The following ACSBG1 variants were observed in gnomAD, a reference collection of about 807,000 sequenced individuals.
ACSBG1 encodes acyl-CoA synthetase bubblegum family member 1.
ACSBG1 carries 39 observed loss-of-function variants against 80.2 expected under a neutral mutation model. The observed-to-expected ratio is 0.49, with a 90% CI of 0.38 to 0.64. The LOEUF is 0.64. Among genes scored for constraint, ACSBG1 ranks in the 30% least tolerant of loss-of-function variants. The probability of loss-of-function intolerance (pLI) is 0.00; values close to 1 mark genes in which losing one functional copy is unlikely to be tolerated. For missense variants in ACSBG1, 828 were observed against 966.4 expected, an observed-to-expected ratio of 0.86 and a Z score of 1.90; for synonymous variants, 392 against 379.5, an observed-to-expected ratio of 1.03 and a Z score of -0.38.
At chr15:78,218,540 T>C (rs937177766) in intron 1 of ACSBG1, among the ~76,000 whole-genome samples, 1 of 152,196 alleles carries the variant, frequency 6.6e-6, no homozygotes, top group African/African-American at 2.4e-5. Context: ...ATTTCACTTT[T>C]TAAAAAGTGA....
intron 5 of ACSBG1, among the ~76,000 whole-genome samples, chr15:78,190,169 G>T (rs1273202311): frequency 1.3e-5 from 2 of 152,054 alleles, no homozygotes; most frequent in Non-Finnish European, 2.9e-5. Flanking sequence ...AGTACTTTGG[G>T]AAGCCGAGGT....
intron 9 of ACSBG1, among the ~76,000 whole-genome samples, chr15:78,180,071 T>G (rs544365803): frequency 1.3e-5 from 2 of 152,254 alleles, no homozygotes; most frequent in Non-Finnish European, 2.9e-5. Context: ...CACATGCCAT[T>G]TTGCACACAC....
chr15:78,199,921 T>C (rs1266887455), intron 2 of ACSBG1, among the ~76,000 whole-genome samples: 1 of 152,164 alleles, frequency 6.6e-6, no homozygotes, highest in Non-Finnish European at 1.5e-5. Flanking sequence ...TGCGTTGTAC[T>C]CCACGGTTGG....
intron 11 of ACSBG1, among the ~76,000 whole-genome samples, chr15:78,175,394 A>G (rs1274640672): frequency 6.6e-6 from 1 of 152,256 alleles, no homozygotes; most frequent in African/African-American, 2.4e-5. Context: ...GGCACAGAAT[A>G]GAACAAGGCT....
At chr15:78,225,323 C>G (rs973334197) in intron 1 of ACSBG1, among the ~76,000 whole-genome samples, 1 of 151,626 alleles carries the variant, frequency 6.6e-6, no homozygotes, top group African/African-American at 2.4e-5. Flanking sequence ...ATTGCTTGAA[C>G]CTGGGAGGCA....
Position 78,194,536 on chromosome 15 carries a change from G to C in ACSBG1, c.423C>G (p.Leu141=), listed in dbSNP as rs374000947. The change falls in exon 3 of 14, where the codon CTC becomes CTG. Residue 141 remains leucine (L), a synonymous_variant. Transcript: ENST00000258873. ...EHISYSQYYL[L]ARRAAKGFLK... ...GGAAGCCCTTGGCGGCTCTGCGGGCGAGCAGGTAGTATTGGGAGTAGGAGA... is the reference window on the plus strand; with the variant it reads ...GGAAGCCCTTGGCGGCTCTGCGGGCCAGCAGGTAGTATTGGGAGTAGGAGA... 81 of 1,614,132 alleles carry C rather than the reference G, an allele frequency of 5.0e-5. No homozygotes were observed. In the Middle Eastern group the frequency reaches 6.6e-4, roughly 13 times the overall value.
rs1332201194 is a variant in ACSBG1, at chr15:78,227,767, T to C, written c.131+6604A>G. Among the ~76,000 whole-genome samples the C allele has an allele frequency of 3.9e-5, 6 of 152,296 alleles. No homozygotes were observed. The East Asian group carries it at 1.2e-3, about 29-fold the overall frequency. On this transcript the variant is annotated intron_variant, in intron 1 of 13. Coordinates refer to ENST00000258873, the MANE Select transcript of ACSBG1 (RefSeq NM_015162.5). Reference sequence around the variant, plus strand: ...TCAATAGATTAATGGATAAAAAAAATTGTAGTATAGCCACACAATGGAATT... The same window carrying C: ...TCAATAGATTAATGGATAAAAAAAACTGTAGTATAGCCACACAATGGAATT...
At chr15:78,205,696 T>C (rs2075207445) in intron 2 of ACSBG1, among the ~76,000 whole-genome samples, 1 of 152,202 alleles carries the variant, frequency 6.6e-6, no homozygotes, top group East Asian at 1.9e-4. Context: ...GCTTGATTCT[T>C]CTTATTCAGG....
Position 78,178,323 on chromosome 15 carries a change from G to C in ACSBG1, c.1702+291C>G, listed in dbSNP as rs2074903731. Among the ~76,000 whole-genome samples, 1 of 152,168 alleles carries C rather than the reference G, an allele frequency of 6.6e-6. No individual in the cohort carries two copies. The highest frequency in any genetic ancestry group is 2.1e-4 in the South Asian group (1 of 4,824). The stretch of plus-strand genomic sequence containing the variant: ...TGTTTTGGTTTTGTTTTTGGAGACA[G>C]AGTCTAGCTCTGTCTCCCAGGCTGG... On this transcript the variant is annotated intron_variant, in intron 11 of 13. Coordinates refer to ENST00000258873, the MANE Select transcript of ACSBG1 (RefSeq NM_015162.5). The surrounding 1 kb of genome is among the most constrained non-coding windows in gnomAD (Gnocchi z 4.3).
chr15:78,208,243 CCA>C, intron 1 of ACSBG1, 141 bp from the exon 2 acceptor site: 1 of 681,650 alleles, frequency 1.5e-6, no homozygotes, highest in East Asian at 2.7e-5. Flanking sequence ...CTGGGGCCAT[CCA>C]CAGAGGAGAA....
In ACSBG1 at chr15:78,204,260, T is replaced by C. The variant is rs546336903; in HGVS notation, c.232+3742A>G. Among the ~76,000 whole-genome samples, 31 of 152,294 alleles carry C rather than the reference T, an allele frequency of 2.0e-4. 1 individual carries two copies. The South Asian group carries it at 6.4e-3, about 32-fold the overall frequency. ...CAGTCATTGTTTTAGCTTTTTAAAA[T>C]TGCCTCTAGGATTCCACTTGTCCAG... On this transcript the variant is annotated intron_variant, in intron 2 of 13. Transcript: ENST00000258873.
At chr15:78,230,563 G>C (rs1361672685) in intron 1 of ACSBG1, among the ~76,000 whole-genome samples, 1 of 152,240 alleles carries the variant, frequency 6.6e-6, no homozygotes, top group Admixed American at 6.5e-5. Context: ...TGGTCTGGCT[G>C]TGTCCCCACC....
At chr15:78,222,490 C>T (rs1393703840) in intron 1 of ACSBG1, among the ~76,000 whole-genome samples, 2 of 152,128 alleles carry the variant, frequency 1.3e-5, no homozygotes, top group Non-Finnish European at 2.9e-5. Flanking sequence ...TGGTGAAACC[C>T]TGTCTCCACA....
chr15:78,200,420 T>C (rs1481026454), intron 2 of ACSBG1, among the ~76,000 whole-genome samples: 2 of 152,114 alleles, frequency 1.3e-5, no homozygotes, highest in Non-Finnish European at 2.9e-5. Context: ...CTAGACCAGC[T>C]GGAAGAGGAG....
chr15:78,216,411 T>C (rs556659559), intron 1 of ACSBG1, among the ~76,000 whole-genome samples: 2 of 152,254 alleles, frequency 1.3e-5, no homozygotes, highest in African/African-American at 4.8e-5. Flanking sequence ...GATTATTTCA[T>C]GCGAGACAGC....
At chr15:78,186,836 A>C (rs1362483570) in intron 5 of ACSBG1, among the ~76,000 whole-genome samples, 1 of 152,254 alleles carries the variant, frequency 6.6e-6, no homozygotes, top group African/African-American at 2.4e-5. Context: ...AGCAGAACTG[A>C]ATGAAATAGA....
intron 2 of ACSBG1, among the ~76,000 whole-genome samples, chr15:78,199,571 G>C (rs2075147036): frequency 6.6e-6 from 1 of 151,628 alleles, no homozygotes; most frequent in African/African-American, 2.4e-5. Context: ...GGTGTGTGAA[G>C]TATGTAAAGT....
chr15:78,171,368 G>T lies in ACSBG1; in HGVS notation c.*76C>A. The T allele has an allele frequency of 1.6e-6, 2 of 1,275,120 alleles. No individual in the cohort carries two copies. The highest frequency in any genetic ancestry group is 2.3e-6 in the Non-Finnish European group (2 of 888,644). 79.0% of individuals were successfully genotyped at this position (1,275,120 alleles called of 1,614,324 possible). On this transcript the variant is annotated 3_prime_UTR_variant, in exon 14 of 14. Coordinates refer to ENST00000258873, the MANE Select transcript of ACSBG1 (RefSeq NM_015162.5). ...TGGCAGAAATGCCTGTGCCCAGACTGAAGAGACCTGGGGCTCAGGAAGAGG... is the reference window on the plus strand; with the variant it reads ...TGGCAGAAATGCCTGTGCCCAGACTTAAGAGACCTGGGGCTCAGGAAGAGG...
chr15:78,224,709 A>ACT (rs1567100536), intron 1 of ACSBG1, among the ~76,000 whole-genome samples: 3 of 152,020 alleles, frequency 2.0e-5, no homozygotes, highest in Non-Finnish European at 4.4e-5. Flanking sequence ...CGACAGAGCG[A>ACT]GACTCCGCCT....
Sources: allele counts gnomAD v4.1 joint callset (sites outside exome capture counted in the v4.1 genomes callset), GRCh38; gene constraint gnomAD v4.1.1; non-coding constraint Gnocchi (gnomAD v3.1); transcripts MANE v1.5; gene names NCBI Gene and HGNC (gene_info 2026-07-23, HGNC 2026-07-21).